CDK15: variants seen among roughly 807,000 people sequenced by gnomAD.
CDK15 encodes cyclin dependent kinase 15.
CDK15 carries 62 observed loss-of-function variants against 60.3 expected under a neutral mutation model. The ratio of observed to expected loss-of-function variants is 1.03; its 90% confidence interval spans 0.84 to 1.27. CDK15 has a LOEUF of 1.27. CDK15 is among the 50% of genes most tolerant of loss of function. The pLI is 0.00. For synonymous variants in CDK15, 194 were observed against 195.7 expected, an observed-to-expected ratio of 0.99 and a Z score of 0.07; for missense variants, 541 against 527.8, an observed-to-expected ratio of 1.03 and a Z score of -0.25.
chr2:201,816,779 G>T (rs1340618477), intron 4 of CDK15, among the ~76,000 whole-genome samples: 1 of 152,024 alleles, frequency 6.6e-6, no homozygotes, highest in Non-Finnish European at 1.5e-5. Context: ...AACAGGGCCT[G>T]GGGGGAGGCA....
At chr2:201,868,205 T>G (rs1435879014) in intron 10 of CDK15, among the ~76,000 whole-genome samples, 1 of 152,092 alleles carries the variant, frequency 6.6e-6, no homozygotes, top group Non-Finnish European at 1.5e-5. Context: ...GGATGTTATG[T>G]CAGAAAGGGA....
chr2:201,861,310 C>T (rs989279904), intron 10 of CDK15: 2 of 989,356 alleles, frequency 2.0e-6, no homozygotes, highest in African/African-American at 1.7e-5. Context: ...TGGAGTAGCC[C>T]GATTCTACAG....
chr2:201,879,908 A>G (rs1699213795), intron 11 of CDK15, 120 bp from the exon 12 acceptor site: 3 of 1,345,426 alleles, frequency 2.2e-6, no homozygotes, highest in Non-Finnish European at 2.0e-6. Context: ...CAATTCCAGG[A>G]AAATTCTACT....
chr2:201,842,071 G>A (rs1008875220), intron 8 of CDK15, among the ~76,000 whole-genome samples: 15 of 152,048 alleles, frequency 9.9e-5, no homozygotes, highest in Admixed American at 1.3e-4. Flanking sequence ...TTGTGTAACC[G>A]TCACCACTGT....
chr2:201,863,395 TAATA>T (rs59086170), intron 10 of CDK15, among the ~76,000 whole-genome samples: 11,944 of 151,826 alleles, frequency 0.079, 696 homozygotes, highest in East Asian at 0.21. Flanking sequence ...AATTAAAAAA[TAATA>T]AATAAATGTT....
intron 6 of CDK15, among the ~76,000 whole-genome samples, chr2:201,827,247 A>T (rs1696548400): frequency 6.6e-6 from 1 of 152,188 alleles, no homozygotes; most frequent in African/African-American, 2.4e-5. Context: ...AGAGTTCAAG[A>T]CTAGCATGGG....
chr2:201,837,274 C>T (rs571726617), intron 8 of CDK15, among the ~76,000 whole-genome samples: 54 of 142,118 alleles, frequency 3.8e-4, no homozygotes, highest in African/African-American at 1.2e-3. Context: ...GGTTACAGAG[C>T]GAGACCCCGT....
intron 10 of CDK15, among the ~76,000 whole-genome samples, chr2:201,859,085 C>T (rs753488251): frequency 1.3e-5 from 2 of 152,132 alleles, no homozygotes; most frequent in Non-Finnish European, 2.9e-5. Flanking sequence ...CGGGGCTGCG[C>T]GGGCCTCCTG....
At position 201,835,642 on chromosome 2, in the gene CDK15, G is replaced by A. The variant is rs144178608; in HGVS notation, c.731-1G>A. 2.7e-4 allele frequency: 427 copies of A among 1,603,924 alleles called. 3 individuals are homozygous for A. In the African/African-American group the frequency reaches 4.9e-3, roughly 18 times the overall value. On this transcript the variant is annotated splice_acceptor_variant, in intron 7 of 13. Transcript: ENST00000652192. LOFTEE classifies it high-confidence loss of function. ...GTTTTATGCTTTTCCCTTTTGGACA[G>A]GTCTTGCCCGGGCCAAGTCCATTCC...
rs1443701577 is a variant in CDK15 at position 201,895,035 on chromosome 2, C to A, written c.*1768C>A. The A allele has an allele frequency of 2.0e-5, 3 of 152,272 alleles. No homozygotes were observed. The highest frequency in any genetic ancestry group is 4.8e-5 in the African/African-American group (2 of 41,558). 9.4% of individuals were successfully genotyped at this position (152,272 alleles called of 1,614,324 possible). A position where few individuals can be genotyped will look rare whatever the true frequency, so the allele number is the denominator to read the frequency against. ...CCCCAGAGATAATGCTAGTACCAATCGAAAGCTCAGGGATGCTACTGTTGA... is the reference window on the plus strand; with the variant it reads ...CCCCAGAGATAATGCTAGTACCAATAGAAAGCTCAGGGATGCTACTGTTGA... On this transcript the variant is annotated 3_prime_UTR_variant, in exon 14 of 14. Coordinates refer to ENST00000652192, the MANE Select transcript of CDK15 (RefSeq NM_001366386.2).
rs1559151933 is a variant in CDK15, at chr2:201,886,160, TC to T, written c.1199-4624del. Among the ~76,000 whole-genome samples the T allele has an allele frequency of 3.3e-5, 5 of 152,258 alleles. No individual in the cohort carries two copies. In the East Asian group the frequency reaches 9.6e-4, roughly 29 times the overall value. ...GCTTTTCTGGGAAAGATTCCACACA[TC>T]TCCAGGTAGCGTGTTTAATATCTCA... On this transcript the variant is annotated intron_variant, in intron 12 of 13. Transcript: ENST00000652192.
chr2:201,806,690 C>T lies in CDK15; in HGVS notation c.26C>T (p.Thr9Ile). MGQELCAK[T>I]VQPGCSCYHC... Reference sequence around the variant, plus strand: ...ATGGGTCAAGAGCTGTGTGCAAAGACTGTACAGCCTGGATGCAGCTGCTAC... The same window carrying T: ...ATGGGTCAAGAGCTGTGTGCAAAGATTGTACAGCCTGGATGCAGCTGCTAC... Residue 9 changes from threonine to isoleucine, a missense_variant, in exon 1 of 14, where the codon ACT becomes ATT. By Grantham distance (89) the Thr-to-Ile change is moderately conservative. Coordinates refer to ENST00000652192, the MANE Select transcript of CDK15 (RefSeq NM_001366386.2). The T allele has an allele frequency of 6.3e-7, 1 of 1,597,296 alleles. No individual in the cohort carries two copies. The highest frequency in any genetic ancestry group is 8.5e-7 in the Non-Finnish European group (1 of 1,179,336).
intron 12 of CDK15, among the ~76,000 whole-genome samples, chr2:201,890,268 A>G (rs1484142760): frequency 6.6e-6 from 1 of 152,122 alleles, no homozygotes; most frequent in Non-Finnish European, 1.5e-5. Context: ...TGTTCTAACC[A>G]TGCAAGATGA....
chr2:201,870,403 AGAG>A (rs1698805788), intron 10 of CDK15, among the ~76,000 whole-genome samples: 1 of 152,192 alleles, frequency 6.6e-6, no homozygotes, highest in East Asian at 1.9e-4. Flanking sequence ...AACTGGAGGA[AGAG>A]ATTTTTAAAA....
chr2:201,871,202 C>A (rs1022438396), intron 10 of CDK15, among the ~76,000 whole-genome samples: 2 of 151,854 alleles, frequency 1.3e-5, no homozygotes, highest in African/African-American at 4.8e-5. Flanking sequence ...CTCTGTCTCC[C>A]AGGCTGGAGT....
In CDK15 at chr2:201,807,463, A is replaced by G. The variant is rs765394945; in HGVS notation, c.124-31A>G. 5.0e-6 allele frequency: 8 copies of G among 1,599,418 alleles called. No homozygotes were observed. The South Asian group carries it at 6.7e-5, about 13-fold the overall frequency. The stretch of plus-strand genomic sequence containing the variant: ...GGCACTGAATCTTTACTTTGCATAA[A>G]TTTTATTTCTGCTCTTTCTTTTTTC... On this transcript the variant is annotated intron_variant, in intron 1 of 13. Coordinates refer to ENST00000652192, the MANE Select transcript of CDK15 (RefSeq NM_001366386.2).
chr2:201,889,529 A>G, intron 12 of CDK15: 1 of 632,044 alleles, frequency 1.6e-6, no homozygotes, highest in Non-Finnish European at 2.0e-6. Flanking sequence ...CGTACTTTTC[A>G]GATAAGCCCC....
At chr2:201,842,085 T>A (rs1030427648) in intron 8 of CDK15, among the ~76,000 whole-genome samples, 1 of 152,162 alleles carries the variant, frequency 6.6e-6, no homozygotes, top group African/African-American at 2.4e-5. Context: ...CCACTGTCCA[T>A]CTCCAGAACT....
intron 8 of CDK15, among the ~76,000 whole-genome samples, chr2:201,839,563 G>A (rs1304390697): frequency 6.6e-6 from 1 of 152,142 alleles, no homozygotes; most frequent in Non-Finnish European, 1.5e-5. Flanking sequence ...CTGTTGTTAT[G>A]TAAGAGGATA....
Sources: gnomAD v4.1 joint callset for allele counts (sites outside exome capture counted in the v4.1 genomes callset) on GRCh38, gnomAD v4.1.1 for gene constraint, MANE v1.5 for transcripts, NCBI Gene and HGNC (gene_info 2026-07-23, HGNC 2026-07-21) for gene names.